The following R3HCC1L variants were observed in gnomAD, a reference collection of about 807,000 sequenced individuals.
The protein encoded by R3HCC1L is coiled-coil domain-containing protein R3HCC1L.
In R3HCC1L, 51 loss-of-function variants were observed where a neutral mutation model predicts 59.9. The ratio of observed to expected loss-of-function variants is 0.85; its 90% CI spans 0.68 to 1.07. R3HCC1L has a LOEUF of 1.07. Among genes scored for constraint, R3HCC1L ranks in the 50% least tolerant of loss-of-function variants. The pLI, the probability that R3HCC1L is intolerant of heterozygous loss-of-function variation, is 0.00. For synonymous variants in R3HCC1L, 322 were observed against 315.2 expected (o/e 1.02, Z -0.23); for missense variants, 965 against 933.0 (o/e 1.03, Z -0.45).
chr10:98,195,871 C>A (rs1157065117), intron 4 of R3HCC1L, among the ~76,000 whole-genome samples: 2 of 152,172 alleles, frequency 1.3e-5, no homozygotes, highest in Non-Finnish European at 2.9e-5. Context: ...AAGCTGTATA[C>A]TGACTATTGC....
chr10:98,171,312 C>T (rs1287685136), intron 4 of R3HCC1L, among the ~76,000 whole-genome samples: 1 of 152,082 alleles, frequency 6.6e-6, no homozygotes, highest in Non-Finnish European at 1.5e-5. Context: ...AAGTCTAATT[C>T]CAAGGCTCTG....
chr10:98,165,423 C>G (rs11189500), intron 4 of R3HCC1L, among the ~76,000 whole-genome samples: 19,271 of 152,102 alleles, frequency 0.13, 1,268 homozygotes, highest in East Asian at 0.17. Flanking sequence ...CTTATCTTTT[C>G]CAGGAATTAT....
chr10:98,237,787 A>G (rs572554425), intron 9 of R3HCC1L, among the ~76,000 whole-genome samples: 1 of 152,176 alleles, frequency 6.6e-6, no homozygotes, highest in East Asian at 1.9e-4. Context: ...TTCCTGATGT[A>G]TTTCTTTCTG....
chr10:98,209,169 C>G lies in R3HCC1L; in HGVS notation c.1055C>G (p.Thr352Arg). The G allele has an allele frequency of 6.2e-7, 1 of 1,613,792 alleles. No individual in the cohort carries two copies. Among genetic ancestry groups the G allele is most frequent in the African/African-American group, 1.3e-5 (1 of 75,064 alleles). ...CATGTAAAGCACGAACCTCCTGATA[C>G]AGCTGTCCTTGCTCATGAAACACAT... The part of the protein sequence containing the change: ...ELHVKHEPPD[T>R]AVLAHETHRD... The change falls in exon 5 of 10, where the codon ACA (threonine) becomes AGA (arginine). Residue 352 changes from threonine (T) to arginine (R), a missense_variant. By Grantham distance (71) the Thr-to-Arg change is moderately conservative. Transcript: ENST00000298999.
At chr10:98,220,326 A>C (rs1033122005) in intron 5 of R3HCC1L, among the ~76,000 whole-genome samples, 2 of 148,230 alleles carry the variant, frequency 1.3e-5, no homozygotes, top group Middle Eastern at 3.2e-3. Context: ...GACGTTCTTT[A>C]ATATTTTTGA....
intron 9 of R3HCC1L, among the ~76,000 whole-genome samples, chr10:98,242,805 T>C (rs1857682601): frequency 6.6e-6 from 1 of 152,224 alleles, no homozygotes. Flanking sequence ...AACTTCTCCA[T>C]GTTTGTAAGA....
chr10:98,191,428 G>A (rs1045765178), intron 4 of R3HCC1L, among the ~76,000 whole-genome samples: 6 of 141,210 alleles, frequency 4.2e-5, no homozygotes, highest in African/African-American at 1.5e-4. Flanking sequence ...TTTTTCATGT[G>A]TCTGTTGGCT....
At chr10:98,170,937 C>G (rs1201240320) in intron 4 of R3HCC1L, among the ~76,000 whole-genome samples, 1 of 152,206 alleles carries the variant, frequency 6.6e-6, no homozygotes, top group African/African-American at 2.4e-5. Flanking sequence ...GCTATTCATC[C>G]AATTTTGTTC....
intron 6 of R3HCC1L, 25 bp downstream of exon 6, chr10:98,231,712 G>A: frequency 1.3e-6 from 2 of 1,547,318 alleles, no homozygotes; most frequent in African/African-American, 1.4e-5. Flanking sequence ...GATTGTGGAT[G>A]TTAGGGAGGG....
At chr10:98,148,726 G>A (rs1845887959) in intron 1 of R3HCC1L, among the ~76,000 whole-genome samples, 1 of 152,142 alleles carries the variant, frequency 6.6e-6, no homozygotes, top group Admixed American at 6.5e-5. Context: ...GCCTCCCTGG[G>A]ATGAATCCCA....
At chr10:98,235,598 AC>A (rs1242309402) in intron 8 of R3HCC1L, 78 bp downstream of exon 8, 16 of 989,036 alleles carry the variant, frequency 1.6e-5, no homozygotes, top group Non-Finnish European at 2.2e-5. Flanking sequence ...TAGCATCCAG[AC>A]ATCTAAAGAC....
At chr10:98,156,515 A>T (rs934653422) in intron 2 of R3HCC1L, among the ~76,000 whole-genome samples, 4 of 152,182 alleles carry the variant, frequency 2.6e-5, no homozygotes, top group African/African-American at 9.7e-5. Flanking sequence ...TTGTCAAAGG[A>T]TGATGAGACC....
intron 5 of R3HCC1L, 80 bp downstream of exon 5, chr10:98,209,979 C>T (rs1351675938): frequency 9.2e-7 from 1 of 1,091,138 alleles, no homozygotes; most frequent in Non-Finnish European, 1.3e-6. Context: ...GACAGTGATG[C>T]ACATTCACTG....
intron 4 of R3HCC1L, among the ~76,000 whole-genome samples, chr10:98,203,265 A>G (rs571093942): frequency 6.6e-6 from 1 of 152,288 alleles, no homozygotes; most frequent in South Asian, 2.1e-4. Context: ...TGTGTATGTA[A>G]AGAGAGGAAG....
intron 9 of R3HCC1L, among the ~76,000 whole-genome samples, chr10:98,241,208 T>A (rs1439889378): frequency 3.3e-5 from 5 of 152,184 alleles, no homozygotes; most frequent in African/African-American, 4.8e-5. Flanking sequence ...CCAGACGCGT[T>A]CTTCACAAAG....
rs191707887 is a variant in R3HCC1L, at chr10:98,201,017, A to G, written c.-14-7084A>G. ...GTACTGGGAGGGAAAATCGTAGACCAGTCTCATTTGAATATACACACAAAA... is the reference window on the plus strand; with the variant it reads ...GTACTGGGAGGGAAAATCGTAGACCGGTCTCATTTGAATATACACACAAAA... On this transcript the variant is annotated intron_variant, in intron 4 of 9. Transcript: ENST00000298999. 4.5e-3 allele frequency among the ~76,000 whole-genome samples: 692 copies of G among 152,296 alleles called. 4 individuals carry two copies. Among genetic ancestry groups the G allele is most frequent in the Non-Finnish European group, 7.2e-3 (490 of 68,016 alleles).
intron 4 of R3HCC1L, among the ~76,000 whole-genome samples, chr10:98,202,862 A>G (rs1852205511): frequency 6.6e-6 from 1 of 151,624 alleles, no homozygotes; most frequent in Admixed American, 6.6e-5. Flanking sequence ...TCACAGGAAA[A>G]AAAAAAAAAA....
At position 98,209,319 on chromosome 10, in the gene R3HCC1L, C is replaced by G; in HGVS notation, c.1205C>G (p.Ala402Gly). The G allele has an allele frequency of 6.2e-7, 1 of 1,613,910 alleles. No individual in the cohort carries two copies. The highest frequency in any genetic ancestry group is 8.5e-7 in the Non-Finnish European group (1 of 1,179,908). ...CCTTATGTAGTTGCAGTTAGAATAG[C>G]TGATGAGACCTCTATTAATACACGA... The part of the protein sequence containing the change: ...DSPYVVAVRI[A>G]DETSINTRSF... Residue 402 changes from alanine (A) to glycine (G), a missense_variant, in exon 5 of 10, where the codon GCT becomes GGT. Physicochemically the swap from Ala to Gly is moderately conservative, Grantham distance 60 (BLOSUM62 0). Coordinates refer to ENST00000298999, the MANE Select transcript of R3HCC1L (RefSeq NM_001351015.2).
intron 4 of R3HCC1L, among the ~76,000 whole-genome samples, chr10:98,196,641 C>G (rs899002541): frequency 9.2e-5 from 14 of 152,248 alleles, no homozygotes; most frequent in South Asian, 2.1e-4. Context: ...GTTTTGTTAG[C>G]TTTGCTTTCA....
Sources: gnomAD v4.1 joint callset for allele counts (sites outside exome capture counted in the v4.1 genomes callset) on GRCh38, gnomAD v4.1.1 for gene constraint, MANE v1.5 for transcripts, NCBI Gene and HGNC (gene_info 2026-07-23, HGNC 2026-07-21) for gene names.